ADAMTS2: variants seen among roughly 807,000 people sequenced by gnomAD.
The protein encoded by ADAMTS2 is A disintegrin and metalloproteinase with thrombospondin motifs 2.
Under a neutral mutation model 123.0 loss-of-function variants are expected in ADAMTS2, and 50 were observed. That is an observed-to-expected ratio of 0.41 (90% CI 0.32 to 0.51). ADAMTS2 has a LOEUF of 0.51. Ranked by LOEUF, ADAMTS2 falls within the 20% of genes least tolerant of loss-of-function variation. The pLI, the probability that ADAMTS2 is intolerant of heterozygous loss-of-function variation, is 0.35. For missense variants in ADAMTS2, 1,494 were observed against 1,705.2 expected (o/e 0.88, Z 2.18); for synonymous variants, 678 against 695.4 (o/e 0.98, Z 0.39).
At chr5:179,157,035 C>T (rs1474844958) in intron 6 of ADAMTS2, among the ~76,000 whole-genome samples, 3 of 146,482 alleles carry the variant, frequency 2.0e-5, no homozygotes, top group Non-Finnish European at 4.5e-5. Flanking sequence ...ACAATCTCGG[C>T]TCACTGCAAC....
intron 2 of ADAMTS2, among the ~76,000 whole-genome samples, chr5:179,324,863 G>A (rs1467704159): frequency 6.6e-6 from 1 of 152,194 alleles, no homozygotes; most frequent in East Asian, 1.9e-4. Flanking sequence ...GAAGAGGGGT[G>A]ATGAGAAGTT....
chr5:179,207,541 T>C lies in ADAMTS2; in HGVS notation c.863A>G (p.Gln288Arg), dbSNP rs368893222. The C allele has an allele frequency of 1.3e-6, 2 of 1,503,618 alleles. No individual in the cohort carries two copies. Among genetic ancestry groups the C allele is most frequent in the Non-Finnish European group, 9.0e-7 (1 of 1,111,026 alleles). The allele number at this position is 1,503,618 out of a possible 1,614,324, so 93.1% of individuals were successfully genotyped here. Residue 288 changes from glutamine (Q) to arginine (R), a missense_variant, in exon 4 of 22, where the codon CAG becomes CGG. Transcript: ENST00000251582. ...GTTCATGAGTGTCAGCAGGTACTTCTGTACGTGCTCCTTCCCGTGGAACTG... is the reference window on the plus strand; with the variant it reads ...GTTCATGAGTGTCAGCAGGTACTTCCGTACGTGCTCCTTCCCGTGGAACTG... ...VVQFHGKEHVQKYLLTLMNIV... is the reference protein window; with the variant it reads ...VVQFHGKEHVRKYLLTLMNIV...
At chr5:179,173,041 CAA>C (rs1228973444) in intron 5 of ADAMTS2, among the ~76,000 whole-genome samples, 3 of 121,996 alleles carry the variant, frequency 2.5e-5, no homozygotes. Flanking sequence ...CCTGTCTCTA[CAA>C]AAAAAAAAAG....
chr5:179,271,420 G>A (rs62394997), intron 3 of ADAMTS2, among the ~76,000 whole-genome samples: 8,687 of 152,256 alleles, frequency 0.057, 402 homozygotes, highest in East Asian at 0.22. Context: ...CTGAGCTCTC[G>A]GGGACACAGG....
At chr5:179,245,796 C>CAAAAA (rs796076369) in intron 3 of ADAMTS2, among the ~76,000 whole-genome samples, 19 of 73,802 alleles carry the variant, frequency 2.6e-4, no homozygotes, top group South Asian at 5.0e-4. Context: ...AAAAAAAAAA[C>CAAAAA]AAAAAAAACA....
intron 4 of ADAMTS2, among the ~76,000 whole-genome samples, chr5:179,196,140 T>A (rs1300327391): frequency 6.6e-6 from 1 of 152,208 alleles, no homozygotes; most frequent in African/African-American, 2.4e-5. Context: ...TGCCTTCGGA[T>A]TGTTTGCAAA....
Position 179,118,564 on chromosome 5 carries a change from T to C in ADAMTS2, c.3178+3097A>G, listed in dbSNP as rs1225947932. 6.6e-6 allele frequency among the ~76,000 whole-genome samples: 1 copy of C among 152,224 alleles called. No homozygotes were observed. Among genetic ancestry groups the C allele is most frequent in the African/African-American group, 2.4e-5 (1 of 41,460 alleles). The stretch of plus-strand genomic sequence containing the variant: ...CTGCATTATTATTTGCTTAGTCATA[T>C]CCTTTAAATTAACTCCTTTTTACAC... On this transcript the variant is annotated intron_variant, in intron 21 of 21. Coordinates refer to ENST00000251582, the MANE Select transcript of ADAMTS2 (RefSeq NM_014244.5). The surrounding 1 kb of genome is among the most constrained non-coding windows in gnomAD (Gnocchi z 4.5).
In ADAMTS2 at chr5:179,139,961, A is replaced by C. The variant is rs1479837697; in HGVS notation, c.1704T>G (p.Ser568Arg). ...AGGTACGTGAGCAGGAGCCAAACGG[A>C]CTCCAAGCGCCCCAGCTGCCGTCCC... is the stretch of plus-strand genomic sequence containing the variant. ...LKRDGSWGAWSPFGSCSRTCG... is the reference protein window; with the variant it reads ...LKRDGSWGAWRPFGSCSRTCG... Residue 568 changes from serine (S) to arginine (R), a missense_variant, in exon 11 of 22, where the codon AGT (serine) becomes AGG (arginine). Physicochemically the swap from Ser to Arg is moderately radical, Grantham distance 110. Coordinates refer to ENST00000251582, the MANE Select transcript of ADAMTS2 (RefSeq NM_014244.5). 1 of 1,613,668 alleles carries C rather than the reference A, an allele frequency of 6.2e-7. No individual in the cohort carries two copies. Among genetic ancestry groups the C allele is most frequent in the East Asian group, 2.2e-5 (1 of 44,864 alleles).
intron 3 of ADAMTS2, among the ~76,000 whole-genome samples, chr5:179,208,937 G>A (rs1408669776): frequency 6.6e-6 from 1 of 152,160 alleles, no homozygotes; most frequent in Non-Finnish European, 1.5e-5. Context: ...GCAGCTGAGG[G>A]AGACCAGCGT....
rs748210951 is a variant in ADAMTS2, at chr5:179,129,863, C to G, written c.2457+69G>C. 122 of 1,598,422 alleles carry G rather than the reference C, an allele frequency of 7.6e-5. No homozygotes were observed. Among genetic ancestry groups the G allele is most frequent in the Non-Finnish European group, 1.0e-4 (121 of 1,171,924 alleles). On this transcript the variant is annotated intron_variant, in intron 16 of 21. Transcript: ENST00000251582. The surrounding 1 kb of genome is among the most constrained non-coding windows in gnomAD (Gnocchi z 4.1). ...TGAAGGGTCAGGAGGCTCAGCGTCC[C>G]AGGCACCCCCATCCCTCCCCCAGTG...
rs1267984075 is a variant in ADAMTS2, at chr5:179,180,019, C to A, written c.975+1053G>T. On this transcript the variant is annotated intron_variant, in intron 5 of 21. Transcript: ENST00000251582. This position sits in a 1 kb window ranked among gnomAD's most constrained non-coding sequence, Gnocchi z 4.6. ...CTCCTCGGGTGCTGGATGGCCCTGG[C>A]TGCTTACCTGGGCATGTCACTAAGT... Among the ~76,000 whole-genome samples the A allele has an allele frequency of 6.6e-6, 1 of 152,184 alleles. No homozygotes were observed.
Position 179,273,585 on chromosome 5 carries a change from TGAG to T in ADAMTS2, c.535-524_535-522del, listed in dbSNP as rs1766606647. ...GCTCTGAAGCTAACACTCAGAATGATGAGATTTCATGTCTTGAACATGGAATCC... is the reference window on the plus strand; with the variant it reads ...GCTCTGAAGCTAACACTCAGAATGATATTTCATGTCTTGAACATGGAATCC... On this transcript the variant is annotated intron_variant, in intron 2 of 21. Transcript: ENST00000251582. Among the ~76,000 whole-genome samples, 4 of 152,268 alleles carry T rather than the reference TGAG, an allele frequency of 2.6e-5. No homozygotes were observed. The South Asian group carries it at 8.3e-4, about 32-fold the overall frequency.
intron 4 of ADAMTS2, among the ~76,000 whole-genome samples, chr5:179,187,845 C>T (rs550377593): frequency 3.9e-5 from 6 of 152,350 alleles, no homozygotes; most frequent in South Asian, 2.1e-4. Flanking sequence ...CATTGTAATG[C>T]GCCTTTTGCT....
Position 179,225,239 on chromosome 5 carries a change from G to A in ADAMTS2, c.689-17524C>T, listed in dbSNP as rs575839711. The stretch of plus-strand genomic sequence containing the variant: ...CACATCATGTGCGCTTCAGACAAAG[G>A]ACTAATTTCCTTAATACATAAAGCG... On this transcript the variant is annotated intron_variant, in intron 3 of 21. Coordinates refer to ENST00000251582, the MANE Select transcript of ADAMTS2 (RefSeq NM_014244.5). This position sits in a 1 kb window ranked among gnomAD's most constrained non-coding sequence, Gnocchi z 4.5. Among the ~76,000 whole-genome samples, 14 of 152,326 alleles carry A rather than the reference G, an allele frequency of 9.2e-5. No individual in the cohort carries two copies. Among genetic ancestry groups the A allele is most frequent in the African/African-American group, 3.4e-4 (14 of 41,572 alleles).
At chr5:179,133,346 C>A (rs184025363) in intron 13 of ADAMTS2, among the ~76,000 whole-genome samples, 1 of 152,286 alleles carries the variant, frequency 6.6e-6, no homozygotes, top group East Asian at 1.9e-4. Flanking sequence ...CAGCTCACTG[C>A]AACCTCTGCC....
intron 2 of ADAMTS2, among the ~76,000 whole-genome samples, chr5:179,318,785 G>A (rs1375816792): frequency 3.3e-5 from 5 of 152,124 alleles, no homozygotes; most frequent in African/African-American, 1.2e-4. Context: ...CGCTGTTTGA[G>A]CGTTGAGACG....
intron 3 of ADAMTS2, among the ~76,000 whole-genome samples, chr5:179,245,297 C>A (rs1765758544): frequency 1.3e-5 from 2 of 151,506 alleles, no homozygotes; most frequent in Admixed American, 6.6e-5. Context: ...GGAGGAGGAC[C>A]CAGAAGGAAC....
At chr5:179,124,590 C>G (rs1762819004) in intron 19 of ADAMTS2, among the ~76,000 whole-genome samples, 1 of 152,228 alleles carries the variant, frequency 6.6e-6, no homozygotes, top group Non-Finnish European at 1.5e-5. Context: ...CCACTGGTTT[C>G]TTAGTACAGC....
chr5:179,165,620 G>A (rs188529752), intron 5 of ADAMTS2, among the ~76,000 whole-genome samples: 1 of 152,170 alleles, frequency 6.6e-6, no homozygotes, highest in Non-Finnish European at 1.5e-5. Context: ...CCTCCCAGGG[G>A]CAGCCGCGGG....
Sources: gnomAD v4.1 joint callset for allele counts (sites outside exome capture counted in the v4.1 genomes callset) on GRCh38, gnomAD v4.1.1 for gene constraint, Gnocchi (gnomAD v3.1) non-coding constraint, MANE v1.5 for transcripts, NCBI Gene and HGNC (gene_info 2026-07-23, HGNC 2026-07-21) for gene names.